The following SRPK1 variants were observed in gnomAD, a reference collection of about 807,000 sequenced individuals.
SRPK1 encodes the protein SRSF protein kinase 1, also known as SFRS protein kinase 1.
SRPK1 carries 52 observed loss-of-function variants against 89.5 expected under a neutral mutation model. The ratio of observed to expected loss-of-function variants is 0.58; its 90% CI spans 0.46 to 0.73. The LOEUF (loss-of-function observed/expected upper bound fraction) is 0.73, where lower values mean the gene tolerates loss of function less well. SRPK1 is among the 30% of genes least tolerant of loss of function. The pLI is 0.00. For synonymous variants in SRPK1, 255 were observed against 270.2 expected (o/e 0.94, Z 0.55); for missense variants, 603 against 780.6 (o/e 0.77, Z 2.71).
At chr6:35,883,420 T>TA (rs1379738216) in intron 6 of SRPK1, among the ~76,000 whole-genome samples, 5 of 151,470 alleles carry the variant, frequency 3.3e-5, no homozygotes, top group Admixed American at 6.6e-5. Flanking sequence ...AGCAATTAAA[T>TA]AAAAAAAATT....
intron 6 of SRPK1, among the ~76,000 whole-genome samples, chr6:35,880,111 A>G (rs1416003601): frequency 6.6e-6 from 1 of 151,694 alleles, no homozygotes; most frequent in Non-Finnish European, 1.5e-5. Context: ...AACAAAAGGA[A>G]GATGTGGAGA....
chr6:35,851,221 C>A (rs990696597), intron 13 of SRPK1, among the ~76,000 whole-genome samples: 6 of 150,558 alleles, frequency 4.0e-5, no homozygotes, highest in African/African-American at 9.8e-5. Flanking sequence ...CTCACTCTGT[C>A]ACCCAGGCTG....
chr6:35,870,449 GCTT>G lies in SRPK1; in HGVS notation c.820_822del (p.Lys274del). Reference sequence around the variant, plus strand: ...TCTAGTAATTCTGCCTGGCGCTTCTGCTTCTTCTTCAATTTCTTCTTCTTATTC... The same window carrying G: ...TCTAGTAATTCTGCCTGGCGCTTCTGCTTCTTCAATTTCTTCTTCTTATTC... On this transcript the variant is annotated inframe_deletion, in exon 10 of 16. Transcript: ENST00000373825. The G allele has an allele frequency of 1.3e-6, 2 of 1,554,828 alleles. No homozygotes were observed. Among genetic ancestry groups the G allele is most frequent in the Non-Finnish European group, 1.7e-6 (2 of 1,148,282 alleles).
chr6:35,889,845 T>C (rs529533349), intron 3 of SRPK1, among the ~76,000 whole-genome samples: 24 of 150,552 alleles, frequency 1.6e-4, no homozygotes, highest in African/African-American at 5.4e-4. Flanking sequence ...ACCCCTGTAA[T>C]CCCAGCACTT....
chr6:35,872,575 A>G lies in SRPK1; in HGVS notation c.739T>C (p.Ser247Pro). The G allele has an allele frequency of 1.9e-6, 3 of 1,600,872 alleles. No homozygotes were observed. The highest frequency in any genetic ancestry group is 2.6e-6 in the Non-Finnish European group (3 of 1,175,368). The change falls in exon 8 of 16, where the codon TCC (serine) becomes CCC (proline). Residue 247 changes from serine to proline, a missense_variant. By Grantham distance (74) the Ser-to-Pro change is moderately conservative. Coordinates refer to ENST00000373825, the MANE Select transcript of SRPK1 (RefSeq NM_003137.5). ...EWQRSGAPPP[S>P]GSAVSTAPQP... Reference sequence around the variant, plus strand: ...AAAGAAAATACACCTGCAGATCCGGAAGGCGGAGGAGCTCCAGATCGCTGC... The same window carrying G: ...AAAGAAAATACACCTGCAGATCCGGGAGGCGGAGGAGCTCCAGATCGCTGC...
intron 13 of SRPK1, among the ~76,000 whole-genome samples, chr6:35,851,505 T>C (rs1425865557): frequency 2.0e-5 from 3 of 152,060 alleles, no homozygotes; most frequent in Non-Finnish European, 4.4e-5. Context: ...GTAGAACACA[T>C]AGAAACAGCT....
chr6:35,865,552 A>G (rs940548727), intron 12 of SRPK1, among the ~76,000 whole-genome samples: 3 of 152,190 alleles, frequency 2.0e-5, no homozygotes, highest in African/African-American at 7.2e-5. Context: ...AAACTATACA[A>G]GGTTACAGCA....
rs995660472 is a variant in SRPK1 at position 35,895,454 on chromosome 6, T to C, written c.75-4441A>G. On this transcript the variant is annotated intron_variant, in intron 2 of 15. Coordinates refer to ENST00000373825, the MANE Select transcript of SRPK1 (RefSeq NM_003137.5). Reference sequence around the variant, plus strand: ...ATATGCTTGTGTGTGTGTGTGTGTGTGTGTGTGTGTGTGTTCATCCACAGT... The same window carrying C: ...ATATGCTTGTGTGTGTGTGTGTGTGCGTGTGTGTGTGTGTTCATCCACAGT... Among the ~76,000 whole-genome samples the C allele has an allele frequency of 1.1e-4, 17 of 152,134 alleles. No individual in the cohort carries two copies. In the East Asian group the frequency reaches 2.7e-3, roughly 24 times the overall value.
intron 13 of SRPK1, among the ~76,000 whole-genome samples, chr6:35,850,514 T>C (rs1343551023): frequency 6.6e-6 from 1 of 152,236 alleles, no homozygotes; most frequent in Non-Finnish European, 1.5e-5. Flanking sequence ...ATTAGCTTTT[T>C]TGTTGTTACT....
chr6:35,895,238 TC>T (rs1770606037), intron 2 of SRPK1, among the ~76,000 whole-genome samples: 1 of 152,142 alleles, frequency 6.6e-6, no homozygotes. Flanking sequence ...ATTTTCTACT[TC>T]AAAATCAACC....
At chr6:35,885,587 A>G (rs1327793444) in intron 6 of SRPK1, among the ~76,000 whole-genome samples, 2 of 152,210 alleles carry the variant, frequency 1.3e-5, no homozygotes, top group Non-Finnish European at 2.9e-5. Context: ...TTTAAATACA[A>G]AAAGATCAAC....
chr6:35,880,751 GA>G (rs1770266361), intron 6 of SRPK1, among the ~76,000 whole-genome samples: 2 of 40,042 alleles, frequency 5.0e-5, no homozygotes, highest in African/African-American at 1.4e-4. Context: ...AAAAAAAAAA[GA>G]AAAGAAAAGA....
Position 35,921,069 on chromosome 6 carries a change from A to G in SRPK1, c.-13T>C, listed in dbSNP as rs1052178975. On this transcript the variant is annotated 5_prime_UTR_variant, in exon 1 of 16. Transcript: ENST00000373825. Reference sequence around the variant, plus strand: ...CTTTCCGCTCCATGGTGAGACCGGTAATCGCCAGGCGCCTGCGCACTCGAG... The same window carrying G: ...CTTTCCGCTCCATGGTGAGACCGGTGATCGCCAGGCGCCTGCGCACTCGAG... 2.0e-6 allele frequency: 3 copies of G among 1,526,202 alleles called. No individual in the cohort carries two copies. Among genetic ancestry groups the G allele is most frequent in the Admixed American group, 4.0e-5 (2 of 49,928 alleles). 94.5% of individuals were successfully genotyped at this position (1,526,202 alleles called of 1,614,324 possible).
rs961243972 is a variant in SRPK1 at position 35,833,923 on chromosome 6, G to A, written c.*1381C>T. The A allele has an allele frequency of 1.3e-5, 2 of 150,706 alleles. No homozygotes were observed. Among genetic ancestry groups the A allele is most frequent in the Non-Finnish European group, 2.9e-5 (2 of 67,812 alleles). The allele number at this position is 150,706 out of a possible 1,614,324, so 9.3% of individuals were successfully genotyped here. On this transcript the variant is annotated 3_prime_UTR_variant, in exon 16 of 16. Coordinates refer to ENST00000373825, the MANE Select transcript of SRPK1 (RefSeq NM_003137.5). ...TGGTCCATGCTGAAGAAGCGGCTGT[G>A]ACCCCAATCCTGCCTCTCTTTTGCT...
chr6:35,911,632 T>C (rs1272198926), intron 2 of SRPK1, among the ~76,000 whole-genome samples: 1 of 152,004 alleles, frequency 6.6e-6, no homozygotes, highest in Non-Finnish European at 1.5e-5. Context: ...GGTCTCACTA[T>C]GTTGCCCAGG....
Position 35,838,358 on chromosome 6 carries a change from T to C in SRPK1, c.1762A>G (p.Lys588Glu). 1.3e-6 allele frequency: 2 copies of C among 1,574,530 alleles called. No individual in the cohort carries two copies. The highest frequency in any genetic ancestry group is 1.2e-5 in the South Asian group (1 of 82,746). Reference sequence around the variant, plus strand: ...TTACCTTTTTTGGTGAAAAATTCCTTGGAATATTTTCCTGCCACAATGAGC... The same window carrying C: ...TTACCTTTTTTGGTGAAAAATTCCTCGGAATATTTTCCTGCCACAATGAGC... ...RKLIVAGKYS[K>E]EFFTKKGDLK... Residue 588 changes from lysine to glutamate, a missense_variant, in exon 15 of 16, where the codon AAG (lysine) becomes GAG (glutamate). Lys to Glu is a moderately conservative substitution (Grantham distance 56). Coordinates refer to ENST00000373825, the MANE Select transcript of SRPK1 (RefSeq NM_003137.5).
Position 35,919,295 on chromosome 6 carries a change from T to C in SRPK1, c.74+1173A>G, listed in dbSNP as rs147105252. 2.8e-3 allele frequency among the ~76,000 whole-genome samples: 427 copies of C among 152,280 alleles called. 3 individuals are homozygous for C. The highest frequency in any genetic ancestry group is 9.7e-3 in the African/African-American group (402 of 41,548). On this transcript the variant is annotated intron_variant, in intron 2 of 15. Coordinates refer to ENST00000373825, the MANE Select transcript of SRPK1 (RefSeq NM_003137.5). ...CAAGAGGTGAGGTCACCTACCACTT[T>C]AGTTCTATTGAAAGAGAGAAGTCAT...
At chr6:35,870,715 G>A (rs1770017412) in intron 9 of SRPK1, among the ~76,000 whole-genome samples, 1 of 152,138 alleles carries the variant, frequency 6.6e-6, no homozygotes, top group Non-Finnish European at 1.5e-5. Flanking sequence ...CAGTCCGTGG[G>A]GTTGGTTTAC....
At chr6:35,836,165 T>C (rs1164044964) in intron 15 of SRPK1, among the ~76,000 whole-genome samples, 3 of 152,172 alleles carry the variant, frequency 2.0e-5, no homozygotes, top group Non-Finnish European at 4.4e-5. Flanking sequence ...GTGGCTGCAT[T>C]AGATTCTCAC....
Sources: allele counts gnomAD v4.1 joint callset (sites outside exome capture counted in the v4.1 genomes callset), GRCh38; gene constraint gnomAD v4.1.1; transcripts MANE v1.5; gene names NCBI Gene and HGNC (gene_info 2026-07-23, HGNC 2026-07-21).